Variants in CD72 observed in about 807,000 individuals in gnomAD.
CD72 encodes the protein B-cell differentiation antigen CD72.
A neutral mutation model predicts 50.7 loss-of-function variants in CD72; 28 were observed. The observed-to-expected ratio is 0.55, with a 90% CI of 0.41 to 0.76. The LOEUF (loss-of-function observed/expected upper bound fraction) is 0.76. CD72 is among the 30% of genes least tolerant of loss of function. The probability of loss-of-function intolerance (pLI) is 0.00; values close to 1 mark genes in which losing one functional copy is unlikely to be tolerated. For synonymous variants in CD72, 176 were observed against 171.2 expected (o/e 1.03, Z -0.22); for missense variants, 403 against 420.6 (o/e 0.96, Z 0.37).
intron 1 of CD72, among the ~76,000 whole-genome samples, chr9:35,636,103 A>G (rs973857660): frequency 2.6e-5 from 4 of 152,116 alleles, no homozygotes; most frequent in African/African-American, 9.7e-5. Flanking sequence ...TCAGCACTAT[A>G]AATTTTGGGT....
intron 6 of CD72, among the ~76,000 whole-genome samples, chr9:35,612,272 C>T (rs2131755813): frequency 6.6e-6 from 1 of 152,302 alleles, no homozygotes; most frequent in African/African-American, 2.4e-5. Flanking sequence ...AGCTGACCAG[C>T]AAGCTGAGAT....
intron 1 of CD72, among the ~76,000 whole-genome samples, chr9:35,640,725 C>T (rs1441140597): frequency 1.3e-5 from 2 of 151,456 alleles, no homozygotes; most frequent in South Asian, 2.1e-4. Flanking sequence ...AAGCTCAGCT[C>T]GAGCCGTAAC....
At position 35,616,151 on chromosome 9, in the gene CD72, G is replaced by T; in HGVS notation, c.480C>A (p.Ser160=). The T allele has an allele frequency of 6.2e-7, 1 of 1,614,078 alleles. No individual in the cohort carries two copies. Among genetic ancestry groups the T allele is most frequent in the Non-Finnish European group, 8.5e-7 (1 of 1,180,038 alleles). ...LGQSAEDLQG[S]RRELAQSQEA... Reference sequence around the variant, plus strand: ...CCTGACTCTGCGCCAGCTCTCTCCTGGACCCCTGCAGATCCTCTGCACTCT... The same window carrying T: ...CCTGACTCTGCGCCAGCTCTCTCCTTGACCCCTGCAGATCCTCTGCACTCT... The change falls in exon 5 of 9, where the codon TCC becomes TCA. Residue 160 remains serine (S), a synonymous_variant. Transcript: ENST00000259633.
At position 35,615,975 on chromosome 9, in the gene CD72, C is replaced by A. The variant is rs1587901872; in HGVS notation, c.656G>T (p.Arg219Ile). ...GCCGCATGTGAAGAAGGGCTTCAGTCTGTTCTCCATGTTGCTCAGCTTCTG... is the reference window on the plus strand; with the variant it reads ...GCCGCATGTGAAGAAGGGCTTCAGTATGTTCTCCATGTTGCTCAGCTTCTG... ...LEQKLSNMEN[R>I]LKPFFTCGSA... The change falls in exon 5 of 9, where the codon AGA becomes ATA. Residue 219 changes from arginine to isoleucine, a missense_variant. By Grantham distance (97) the Arg-to-Ile change is moderately conservative (BLOSUM62 -3). Transcript: ENST00000259633. 6.2e-7 allele frequency: 1 copy of A among 1,613,962 alleles called. No individual in the cohort carries two copies. The highest frequency in any genetic ancestry group is 1.3e-5 in the African/African-American group (1 of 74,974).
chr9:35,630,599 T>C (rs1048513104), intron 1 of CD72, among the ~76,000 whole-genome samples: 2 of 152,220 alleles, frequency 1.3e-5, no homozygotes, highest in Non-Finnish European at 2.9e-5. Context: ...ATGTGTTTCT[T>C]GATTAAATAT....
intron 1 of CD72, among the ~76,000 whole-genome samples, chr9:35,641,124 C>T (rs1342311015): frequency 1.3e-5 from 2 of 152,168 alleles, no homozygotes; most frequent in African/African-American, 4.8e-5. Context: ...TGGCTGATGA[C>T]CGCTGTAACT....
upstream of CD72, chr9:35,618,532 G>A (rs771893240): frequency 1.3e-5 from 13 of 1,028,528 alleles, no homozygotes; most frequent in Admixed American, 4.1e-5. Flanking sequence ...GAGGGGCCAC[G>A]GAGGGGACGC....
intron 1 of CD72, among the ~76,000 whole-genome samples, chr9:35,631,020 C>T (rs571694092): frequency 6.6e-6 from 1 of 152,166 alleles, no homozygotes; most frequent in South Asian, 2.1e-4. Flanking sequence ...CATTATTATC[C>T]TAAGAATTTT....
At chr9:35,613,473 C>A (rs1286773899) in intron 5 of CD72, among the ~76,000 whole-genome samples, 1 of 152,152 alleles carries the variant, frequency 6.6e-6, no homozygotes, top group East Asian at 1.9e-4. Flanking sequence ...CTTCTCTGTT[C>A]TTCTTTTCCT....
In CD72 at chr9:35,610,718, T is replaced by G; in HGVS notation, c.986A>C (p.His329Pro). The G allele has an allele frequency of 6.2e-7, 1 of 1,613,044 alleles. No individual in the cohort carries two copies. Among genetic ancestry groups the G allele is most frequent in the Non-Finnish European group, 8.5e-7 (1 of 1,179,096 alleles). The change falls in exon 8 of 9, where the codon CAT becomes CCT. Residue 329 changes from histidine (H) to proline (P), a missense_variant. Transcript: ENST00000259633. ...YAQSSKCNKV[H>P]KTWSWWTLES... is the part of the protein sequence containing the mutation. ...CAGTGTCCACCATGACCAAGTTTTA[T>G]GTACCTTGTTACATTTTGAGCTTTG...
At chr9:35,631,237 G>T (rs2131782318) in intron 1 of CD72, among the ~76,000 whole-genome samples, 1 of 151,716 alleles carries the variant, frequency 6.6e-6, no homozygotes, top group African/African-American at 2.4e-5. Flanking sequence ...TAGTCTTTTG[G>T]TTTTTCTGGT....
chr9:35,625,451 A>C (rs999964876), intron 1 of CD72, among the ~76,000 whole-genome samples: 1 of 152,246 alleles, frequency 6.6e-6, no homozygotes, highest in Admixed American at 6.5e-5. Context: ...CTGAGGTTTA[A>C]GGAAAGAAGC....
At chr9:35,620,848 C>A (rs961020333), upstream of CD72, among the ~76,000 whole-genome samples, 3 of 152,124 alleles carry the variant, frequency 2.0e-5, no homozygotes, top group African/African-American at 4.8e-5. Context: ...AGAAGGGGAT[C>A]CCCAGATGGA....
At chr9:35,620,430 A>G (rs1226539253), upstream of CD72, among the ~76,000 whole-genome samples, 3 of 149,522 alleles carry the variant, frequency 2.0e-5, no homozygotes, top group African/African-American at 7.4e-5. Context: ...AGATCACACC[A>G]TTGCACTCCA....
upstream of CD72, among the ~76,000 whole-genome samples, chr9:35,622,564 A>G (rs1299160564): frequency 2.0e-5 from 3 of 152,132 alleles, no homozygotes; most frequent in East Asian, 5.8e-4. Flanking sequence ...CAAGGTGCAC[A>G]GATCACAAGG....
chr9:35,618,512 G>T, upstream of CD72: 1 of 1,283,058 alleles, frequency 7.8e-7, no homozygotes, highest in Non-Finnish European at 1.1e-6. Context: ...GCATCCCTGG[G>T]CCAGGGCCAG....
rs1823062167 is a variant in CD72 at position 35,616,205 on chromosome 9, C to T, written c.426G>A (p.Gln142=). ...LEVTNSSLRQ[Q]LRLKITQLGQ... ...CCAGCTGCGTTATCTTGAGGCGGAG[C>T]TGCTGCCTCAGGCTGCTGTTAGTGA... Residue 142 remains glutamine (Q), a synonymous_variant, in exon 5 of 9, where the codon CAG becomes CAA. Coordinates refer to ENST00000259633, the MANE Select transcript of CD72 (RefSeq NM_001782.3). The T allele has an allele frequency of 1.2e-6, 2 of 1,614,030 alleles. No individual in the cohort carries two copies. Among genetic ancestry groups the T allele is most frequent in the South Asian group, 2.2e-5 (2 of 91,082 alleles).
intron 3 of CD72, chr9:35,616,895 G>A (rs1823072458): frequency 1.7e-6 from 2 of 1,175,484 alleles, no homozygotes; most frequent in Non-Finnish European, 2.3e-6. Flanking sequence ...CAGTGCTGGT[G>A]GGGACTCGGG....
chr9:35,615,285 A>C (rs1188575105), intron 5 of CD72, among the ~76,000 whole-genome samples: 1 of 152,186 alleles, frequency 6.6e-6, no homozygotes, highest in Non-Finnish European at 1.5e-5. Flanking sequence ...ATCATAGCCC[A>C]AAAACACCCC....
Sources: gnomAD v4.1 joint callset for allele counts (sites outside exome capture counted in the v4.1 genomes callset) on GRCh38, gnomAD v4.1.1 for gene constraint, MANE v1.5 for transcripts, NCBI Gene and HGNC (gene_info 2026-07-23, HGNC 2026-07-21) for gene names.